Variants in CHD9 observed in about 807,000 individuals in gnomAD.
CHD9 encodes the protein ATP-dependent chromatin remodeler CHD9.
A neutral mutation model predicts 316.1 loss-of-function variants in CHD9; 77 were observed. The ratio of observed to expected loss-of-function variants is 0.24; its 90% CI spans 0.20 to 0.29. The LOEUF (loss-of-function observed/expected upper bound fraction) is 0.29. CHD9 is among the 10% of genes least tolerant of loss of function. CHD9 has a pLI of 1.00. For synonymous variants in CHD9, 1,129 were observed against 1,158.3 expected, an observed-to-expected ratio of 0.97 and a Z score of 0.51; for missense variants, 2,763 against 3,438.1, an observed-to-expected ratio of 0.80 and a Z score of 4.91.
chr16:53,262,249 A>C (rs2051209780), intron 19 of CHD9, among the ~76,000 whole-genome samples: 1 of 152,012 alleles, frequency 6.6e-6, no homozygotes, highest in Admixed American at 6.5e-5. Context: ...ACATTTTTTG[A>C]TGAGGCCTAT....
intron 2 of CHD9, among the ~76,000 whole-genome samples, chr16:53,188,867 G>A (rs1040384341): frequency 4.0e-5 from 6 of 151,850 alleles, no homozygotes; most frequent in African/African-American, 7.3e-5. Context: ...TTACAGGCGT[G>A]AGCTACCGTG....
intron 4 of CHD9, among the ~76,000 whole-genome samples, chr16:53,223,959 TTAA>T (rs1488284186): frequency 6.6e-6 from 1 of 152,196 alleles, no homozygotes; most frequent in African/African-American, 2.4e-5. Context: ...ACCTTTAATC[TTAA>T]TAGAGAATAT....
chr16:53,224,018 T>C (rs2047450828), intron 4 of CHD9, among the ~76,000 whole-genome samples: 1 of 152,112 alleles, frequency 6.6e-6, no homozygotes, highest in African/African-American at 2.4e-5. Context: ...AAAAGAAATA[T>C]GCCCCTGCAA....
intron 1 of CHD9, among the ~76,000 whole-genome samples, chr16:53,097,054 G>A (rs1218562310): frequency 6.6e-6 from 1 of 152,060 alleles, no homozygotes; most frequent in Non-Finnish European, 1.5e-5. Flanking sequence ...CCACATTGGG[G>A]ATTAAAGTTC....
At chr16:53,055,876 G>C (rs886965376) in intron 1 of CHD9, among the ~76,000 whole-genome samples, 7 of 152,182 alleles carry the variant, frequency 4.6e-5, no homozygotes, top group Admixed American at 3.3e-4. Context: ...AAGACTCTTA[G>C]GGGTTTATGG....
chr16:53,125,777 T>C lies in CHD9; in HGVS notation c.-164-30149T>C, dbSNP rs976584872. On this transcript the variant is annotated intron_variant, in intron 1 of 38. Transcript: ENST00000447540. ...GGCTACAGTCAATGTTCTGAGCACA[T>C]TTAAGGTAGGCTAGACTAAGCTATG... is the stretch of plus-strand genomic sequence containing the variant. 2.6e-5 allele frequency among the ~76,000 whole-genome samples: 4 copies of C among 152,190 alleles called. No individual in the cohort carries two copies. In the South Asian group the frequency reaches 8.3e-4, roughly 32 times the overall value.
chr16:53,275,143 T>C lies in CHD9; in HGVS notation c.4967+841T>C, dbSNP rs536939112. ...ATCTCCCAGGTGCAAGTGATTCTTG[T>C]GCCTCAGCTCCCTGAGTAGCTGGGA... On this transcript the variant is annotated intron_variant, in intron 24 of 38. Transcript: ENST00000447540. Among the ~76,000 whole-genome samples, 16 of 152,284 alleles carry C rather than the reference T, an allele frequency of 1.1e-4. No homozygotes were observed. The South Asian group carries it at 2.7e-3, about 26-fold the overall frequency.
Position 53,304,138 on chromosome 16 carries a change from G to T in CHD9, c.6132G>T (p.Glu2044Asp). 1 of 1,613,158 alleles carries T rather than the reference G, an allele frequency of 6.2e-7. No homozygotes were observed. The highest frequency in any genetic ancestry group is 8.5e-7 in the Non-Finnish European group (1 of 1,179,706). ...LLDAKGIILEEMKVKSENLKE... is the reference protein window; with the variant it reads ...LLDAKGIILEDMKVKSENLKE... ...ATGCTAAAGGTATTATTCTAGAGGA[G>T]ATGAAAGTTAAAAGTGAAAACCTTA... The change falls in exon 31 of 39, where the codon GAG (glutamate) becomes GAT (aspartate). Residue 2044 changes from glutamate to aspartate, a missense_variant. This residue lies in a region of CHD9 where 663 missense variants were observed against 751.2 expected (regional missense o/e 0.88). Transcript: ENST00000447540.
At position 53,289,513 on chromosome 16, in the gene CHD9, T is replaced by G. The variant is rs536733814; in HGVS notation, c.5247+1499T>G. Among the ~76,000 whole-genome samples, 14 of 152,320 alleles carry G rather than the reference T, an allele frequency of 9.2e-5. No homozygotes were observed. The East Asian group carries it at 2.7e-3, about 29-fold the overall frequency. The stretch of plus-strand genomic sequence containing the variant: ...CACAGTTCATAAAGGGAGAAATGAT[T>G]TGGAAAACAGATGTGAGGAAATTAT... On this transcript the variant is annotated intron_variant, in intron 27 of 38. Transcript: ENST00000447540.
chr16:53,207,301 A>G (rs2045964881), intron 2 of CHD9, among the ~76,000 whole-genome samples: 1 of 152,236 alleles, frequency 6.6e-6, no homozygotes, highest in African/African-American at 2.4e-5. Context: ...TTGACTTGCT[A>G]TGGAACTAAA....
In CHD9 at chr16:53,324,098, C is replaced by T. The variant is rs750138254; in HGVS notation, c.7897C>T (p.Arg2633Trp). ...VREEVSRRGRRPKSGIAKATA... is the reference protein window; with the variant it reads ...VREEVSRRGRWPKSGIAKATA... ...AGAGGAAGTAAGCAGGCGGGGGAGA[C>T]GGCCTAAAAGTGGAATTGCAAAGGC... Residue 2633 changes from arginine to tryptophan, a missense_variant, in exon 39 of 39, where the codon CGG becomes TGG. Physicochemically the swap from Arg to Trp is moderately radical, Grantham distance 101 (BLOSUM62 -3). Coordinates refer to ENST00000447540, the MANE Select transcript of CHD9 (RefSeq NM_001308319.2). The T allele has an allele frequency of 4.3e-6, 7 of 1,613,706 alleles. No individual in the cohort carries two copies. Among genetic ancestry groups the T allele is most frequent in the Admixed American group, 1.7e-5 (1 of 59,980 alleles).
At position 53,324,597 on chromosome 16, in the gene CHD9, C is replaced by T; in HGVS notation, c.8396C>T (p.Ser2799Phe). 4 of 1,613,666 alleles carry T rather than the reference C, an allele frequency of 2.5e-6. No individual in the cohort carries two copies. The highest frequency in any genetic ancestry group is 3.4e-6 in the Non-Finnish European group (4 of 1,179,776). The change falls in exon 39 of 39, where the codon TCT becomes TTT. Residue 2799 changes from serine to phenylalanine, a missense_variant. Physicochemically the swap from Ser to Phe is radical, Grantham distance 155 (BLOSUM62 -2). Around this residue, in one of 15 missense-constraint regions of CHD9, gnomAD observed 298 missense variants for 380.2 expected, o/e 0.78. Coordinates refer to ENST00000447540, the MANE Select transcript of CHD9 (RefSeq NM_001308319.2). ...NPLALNPLLL[S>F]NILYPGMLLT... ...TTAGCTCTTAACCCACTATTACTAT[C>T]TAATATACTTTATCCAGGGATGCTT... is the stretch of plus-strand genomic sequence containing the variant.
intron 22 of CHD9, among the ~76,000 whole-genome samples, chr16:53,270,137 G>T (rs2052096447): frequency 6.6e-6 from 1 of 151,290 alleles, no homozygotes; most frequent in South Asian, 2.1e-4. Context: ...TGGGAGTACA[G>T]GCGTGTACCA....
At chr16:53,269,762 A>G (rs2052054476) in intron 22 of CHD9, among the ~76,000 whole-genome samples, 1 of 152,164 alleles carries the variant, frequency 6.6e-6, no homozygotes, top group Admixed American at 6.5e-5. Flanking sequence ...ATAGAGAGGT[A>G]TCTATTCACA....
At chr16:53,074,913 C>T (rs1448303858) in intron 1 of CHD9, among the ~76,000 whole-genome samples, 1 of 152,172 alleles carries the variant, frequency 6.6e-6, no homozygotes, top group African/African-American at 2.4e-5. Flanking sequence ...AGAAGAGGGC[C>T]ACCATCCTCC....
intron 2 of CHD9, among the ~76,000 whole-genome samples, chr16:53,162,946 T>A (rs1295793983): frequency 6.6e-6 from 1 of 151,878 alleles, no homozygotes; most frequent in East Asian, 1.9e-4. Context: ...ACTTTTTTTA[T>A]TTTTTGTGGA....
rs769335335 is a variant in CHD9 at position 53,157,179 on chromosome 16, C to A, written c.1090C>A (p.Pro364Thr). Residue 364 changes from proline (P) to threonine (T), a missense_variant, in exon 2 of 39, where the codon CCT becomes ACT. By Grantham distance (38) the Pro-to-Thr change is conservative (BLOSUM62 -1). Around this residue, in one of 15 missense-constraint regions of CHD9, gnomAD observed 859 missense variants for 890.4 expected, o/e 0.96. Transcript: ENST00000447540. ...TCCTGTGCACATGAACTTCCCAGAT[C>A]CTGTTGACTCAGGAACTCAAATGGG... The part of the protein sequence containing the change: ...LSPVHMNFPD[P>T]VDSGTQMGHF... The A allele has an allele frequency of 6.2e-7, 1 of 1,608,582 alleles. No homozygotes were observed.
In CHD9 at chr16:53,307,856, C is replaced by T. The variant is rs2056124129; in HGVS notation, c.6956C>T (p.Pro2319Leu). 1.9e-6 allele frequency: 3 copies of T among 1,613,844 alleles called. No individual in the cohort carries two copies. Among genetic ancestry groups the T allele is most frequent in the Non-Finnish European group, 1.7e-6 (2 of 1,179,830 alleles). The change falls in exon 33 of 39, where the codon CCA (proline) becomes CTA (leucine). Residue 2319 changes from proline to leucine, a missense_variant. Pro to Leu is a moderately conservative substitution (Grantham distance 98, BLOSUM62 -3). This residue lies in a region of CHD9 where 663 missense variants were observed against 751.2 expected (regional missense o/e 0.88). Transcript: ENST00000447540. ...EYSDPSVPTPPGAGVKEEHDQ... is the reference protein window; with the variant it reads ...EYSDPSVPTPLGAGVKEEHDQ... ...AGCGATCCCAGTGTACCCACTCCCC[C>T]AGGTGCCGGTGTTAAAGAAGAACAT...
chr16:53,151,044 C>A (rs1218913774), intron 1 of CHD9, among the ~76,000 whole-genome samples: 1 of 152,104 alleles, frequency 6.6e-6, no homozygotes, highest in African/African-American at 2.4e-5. Flanking sequence ...ATAATTTCCT[C>A]AAATAGTCTT....
Sources: gnomAD v4.1 joint callset for allele counts (sites outside exome capture counted in the v4.1 genomes callset) on GRCh38, gnomAD v4.1.1 for gene constraint, gnomAD v4.1.1 regional missense constraint, MANE v1.5 for transcripts, NCBI Gene and HGNC (gene_info 2026-07-23, HGNC 2026-07-21) for gene names.